The following ZNF385D variants were observed in gnomAD, a reference collection of about 807,000 sequenced individuals.
The protein encoded by ZNF385D is zinc finger protein 659.
In ZNF385D, 15 loss-of-function variants were observed where a neutral mutation model predicts 35.8. The ratio of observed to expected loss-of-function variants is 0.42; its 90% CI spans 0.28 to 0.64. The LOEUF (loss-of-function observed/expected upper bound fraction) is 0.64. ZNF385D is among the 30% of genes least tolerant of loss of function. The pLI, the probability that ZNF385D is intolerant of heterozygous loss-of-function variation, is 0.23. For missense variants in ZNF385D, 474 were observed against 494.6 expected, an observed-to-expected ratio of 0.96 and a Z score of 0.39; for synonymous variants, 212 against 186.8, an observed-to-expected ratio of 1.13 and a Z score of -1.10.
intron 1 of ZNF385D, among the ~76,000 whole-genome samples, chr3:21,710,354 G>C (rs115847274): frequency 0.026 from 3,896 of 152,224 alleles, 148 homozygotes; most frequent in African/African-American, 0.087. Context: ...CCAATGATCT[G>C]GTGAGACTGG....
chr3:22,209,124 A>G (rs1318373100), intron 2 of ZNF385D, among the ~76,000 whole-genome samples: 5 of 151,896 alleles, frequency 3.3e-5, no homozygotes, highest in African/African-American at 9.7e-5. Context: ...CAGTAAGCCC[A>G]TAATATTTAC....
intron 2 of ZNF385D, among the ~76,000 whole-genome samples, chr3:22,194,193 A>T (rs945039703): frequency 4.6e-5 from 7 of 151,806 alleles, no homozygotes; most frequent in Admixed American, 3.3e-4. Flanking sequence ...TTGTTGATAA[A>T]TTTTTTATTA....
At position 22,199,453 on chromosome 3, in the gene ZNF385D, T is replaced by C. The variant is rs535745426; in HGVS notation, c.107-30418A>G. Among the ~76,000 whole-genome samples the C allele has an allele frequency of 3.9e-5, 6 of 152,196 alleles. No individual in the cohort carries two copies. In the South Asian group the frequency reaches 1.2e-3, roughly 32 times the overall value. On this transcript the variant is annotated intron_variant, in intron 2 of 5. Coordinates refer to the ZNF385D transcript ENST00000494108. ...TTGCCCCTGCAAAACAACAAGATGT[T>C]AGGCCATGGTAATATTAGGTTCAAT...
intron 3 of ZNF385D, among the ~76,000 whole-genome samples, chr3:22,028,926 A>G (rs561232513): frequency 1.1e-4 from 17 of 152,178 alleles, no homozygotes; most frequent in Non-Finnish European, 1.9e-4. Flanking sequence ...CTGAATCAGC[A>G]TACAATATAT....
chr3:21,425,483 G>A lies in ZNF385D; in HGVS notation c.852+9C>T. 6.3e-7 allele frequency: 1 copy of A among 1,579,136 alleles called. No homozygotes were observed. Among genetic ancestry groups the A allele is most frequent in the Non-Finnish European group, 8.6e-7 (1 of 1,159,634 alleles). On this transcript the variant is annotated intron_variant, in intron 6 of 7. Transcript: ENST00000281523. The stretch of plus-strand genomic sequence containing the variant: ...GTTGGTTTTCATTCCTAGAATACGT[G>A]CTGTTTACCTGTTTAAGTTGCGTTT...
intron 3 of ZNF385D, among the ~76,000 whole-genome samples, chr3:21,872,217 G>C (rs188533197): frequency 2.0e-5 from 3 of 152,182 alleles, no homozygotes; most frequent in African/African-American, 7.2e-5. Flanking sequence ...ATTGATGCTC[G>C]AGTAATATAT....
chr3:21,758,975 CA>C (rs58450064), intron 3 of ZNF385D, among the ~76,000 whole-genome samples: 9 of 29,226 alleles, frequency 3.1e-4, no homozygotes, highest in African/African-American at 9.6e-4. Flanking sequence ...TCATCACTGG[CA>C]AAAAAAAAAA....
In ZNF385D at chr3:22,113,086, A is replaced by G. The variant is rs545551089; in HGVS notation, c.325+55731T>C. On this transcript the variant is annotated intron_variant, in intron 3 of 5. Transcript: ENST00000494108. ...AAAGTGACAAATCATTTACACATCA[A>G]GTGCCAACAATGAGCTGTAAGAAGC... Among the ~76,000 whole-genome samples, 3 of 152,212 alleles carry G rather than the reference A, an allele frequency of 2.0e-5. No homozygotes were observed. The East Asian group carries it at 5.8e-4, about 29-fold the overall frequency.
chr3:21,528,482 C>T (rs796081864), intron 3 of ZNF385D, among the ~76,000 whole-genome samples: 2 of 152,078 alleles, frequency 1.3e-5, no homozygotes, highest in African/African-American at 4.8e-5. Flanking sequence ...TTTCCTGGCT[C>T]TTTCCTTTCT....
intron 3 of ZNF385D, among the ~76,000 whole-genome samples, chr3:21,800,289 G>T (rs2072336068): frequency 6.6e-6 from 1 of 152,066 alleles, no homozygotes. Flanking sequence ...AATGTTTATT[G>T]GGCTTTTGAT....
At chr3:21,478,391 T>TA (rs1231448403) in intron 4 of ZNF385D, among the ~76,000 whole-genome samples, 1 of 152,120 alleles carries the variant, frequency 6.6e-6, no homozygotes, top group African/African-American at 2.4e-5. Context: ...GTAAAAAGGA[T>TA]AAAAGAGTTG....
At chr3:22,337,404 C>T (rs1695222135) in intron 2 of ZNF385D, among the ~76,000 whole-genome samples, 1 of 152,058 alleles carries the variant, frequency 6.6e-6, no homozygotes, top group Non-Finnish European at 1.5e-5. Flanking sequence ...CGTGGTGGCG[C>T]ATGCCTATAA....
At chr3:21,812,319 G>A (rs760971686) in intron 3 of ZNF385D, among the ~76,000 whole-genome samples, 32 of 152,224 alleles carry the variant, frequency 2.1e-4, no homozygotes, top group Admixed American at 7.2e-4. Context: ...ATTTCCAACT[G>A]AGGTACCTGG....
intron 3 of ZNF385D, among the ~76,000 whole-genome samples, chr3:22,041,947 T>C (rs763422778): frequency 1.3e-5 from 2 of 152,172 alleles, no homozygotes; most frequent in Non-Finnish European, 2.9e-5. Context: ...AAAGCAATTA[T>C]TGGTGGCTGA....
chr3:22,238,283 TTGGCTATTGGG>T (rs1329436546), intron 2 of ZNF385D, among the ~76,000 whole-genome samples: 3 of 150,942 alleles, frequency 2.0e-5, no homozygotes, highest in African/African-American at 7.3e-5. Context: ...CCAGATTATT[TTGGCTATTGGG>T]GGTCCCTTGC....
chr3:22,295,552 A>G (rs2125404188), intron 2 of ZNF385D, among the ~76,000 whole-genome samples: 1 of 152,334 alleles, frequency 6.6e-6, no homozygotes, highest in East Asian at 1.9e-4. Context: ...GGACATTCAT[A>G]TATGACAGCA....
At chr3:21,783,779 A>G (rs1228662268) in intron 3 of ZNF385D, among the ~76,000 whole-genome samples, 2 of 152,196 alleles carry the variant, frequency 1.3e-5, no homozygotes, top group African/African-American at 4.8e-5. Flanking sequence ...AGCTTCAGGC[A>G]AAGTCAACTG....
chr3:21,976,270 G>A (rs1001321624), intron 3 of ZNF385D, among the ~76,000 whole-genome samples: 11 of 151,912 alleles, frequency 7.2e-5, no homozygotes, highest in African/African-American at 2.2e-4. Context: ...TAAGTAATAG[G>A]ACCAGAAGAA....
In ZNF385D at chr3:21,678,904, T is replaced by C. The variant is rs796819207; in HGVS notation, c.23-13876A>G. ...TTTATACAGTTTAATGTCCTCCTTATAAGCGAAGATAAGAAAACTACTTTT... is the reference window on the plus strand; with the variant it reads ...TTTATACAGTTTAATGTCCTCCTTACAAGCGAAGATAAGAAAACTACTTTT... On this transcript the variant is annotated intron_variant, in intron 1 of 7. Coordinates refer to ENST00000281523, the MANE Select transcript of ZNF385D (RefSeq NM_024697.3). Among the ~76,000 whole-genome samples, 20 of 152,242 alleles carry C rather than the reference T, an allele frequency of 1.3e-4. 1 individual carries two copies. Among genetic ancestry groups the C allele is most frequent in the African/African-American group, 4.6e-4 (19 of 41,564 alleles).
Sources: allele counts gnomAD v4.1 joint callset (sites outside exome capture counted in the v4.1 genomes callset), GRCh38; gene constraint gnomAD v4.1.1; transcripts MANE v1.5; gene names NCBI Gene and HGNC (gene_info 2026-07-23, HGNC 2026-07-21).